VILL: variants seen among roughly 807,000 people sequenced by gnomAD.
VILL encodes villin-like protein.
A neutral mutation model predicts 106.3 loss-of-function variants in VILL; 102 were observed. That is an observed-to-expected ratio of 0.96 (90% CI 0.82 to 1.13). VILL has a LOEUF of 1.13. Among genes scored for constraint, VILL ranks in the 50% most tolerant of loss-of-function variants. The pLI is 0.00. For synonymous variants in VILL, 431 were observed against 440.3 expected (o/e 0.98, Z 0.27); for missense variants, 1,076 against 1,116.6 (o/e 0.96, Z 0.52).
chr3:37,993,705 G>A lies in VILL; in HGVS notation c.33G>A (p.Gln11=), dbSNP rs751644585. The A allele has an allele frequency of 1.2e-6, 2 of 1,614,088 alleles. No individual in the cohort carries two copies. Among genetic ancestry groups the A allele is most frequent in the East Asian group, 4.5e-5 (2 of 44,870 alleles). The change falls in exon 2 of 20, where the codon CAG becomes CAA. Residue 11 remains glutamine (Q), a synonymous_variant. Transcript: ENST00000383759. MDISKGLPGM[Q]GGLHIWISEN... ...TCAGCAAGGGCCTCCCAGGCATGCA[G>A]GGAGGCCTCCACATATGGATCTCTG...
intron 16 of VILL, 115 bp downstream of exon 16, chr3:38,004,514 C>T: frequency 7.3e-7 from 1 of 1,375,190 alleles, no homozygotes; most frequent in Non-Finnish European, 9.9e-7. Context: ...GTGGGTGAGT[C>T]TGACCCTGTC....
At chr3:38,006,041 T>G in intron 17 of VILL, 67 bp downstream of exon 17, 1 of 1,590,428 alleles carries the variant, frequency 6.3e-7, no homozygotes, top group Non-Finnish European at 8.6e-7. Flanking sequence ...CCTGGGCCAA[T>G]GGAATGAGGA....
intron 15 of VILL, 44 bp from the exon 16 acceptor site, chr3:38,004,211 T>G (rs1575340096): frequency 1.9e-6 from 3 of 1,576,146 alleles, no homozygotes; most frequent in Non-Finnish European, 1.7e-6. Context: ...TGGGCTGGGG[T>G]GCCCCTCTGG....
In VILL at chr3:37,997,348, T is replaced by C; in HGVS notation, c.562-135T>C. On this transcript the variant is annotated intron_variant, in intron 6 of 19. Coordinates refer to ENST00000383759, the MANE Select transcript of VILL (RefSeq NM_015873.4). The surrounding 1 kb of genome is among the most constrained non-coding windows in gnomAD (Gnocchi z 4.7). ...GAGTTCAGACCCTGCATTGTTGGTG[T>C]CCCCCTGGATGCCAGGATGAGGGGA... The C allele has an allele frequency of 4.3e-6, 5 of 1,163,184 alleles. No individual in the cohort carries two copies. Among genetic ancestry groups the C allele is most frequent in the Non-Finnish European group, 3.7e-6 (3 of 812,238 alleles). The allele number at this position is 1,163,184 out of a possible 1,614,324, so 72.1% of individuals were successfully genotyped here. A position where few individuals can be genotyped will look rare whatever the true frequency, so the allele number is the denominator to read the frequency against.
intron 3 of VILL, 50 bp from the exon 4 acceptor site, chr3:37,994,211 C>A (rs1365487097): frequency 5.2e-6 from 8 of 1,553,040 alleles, no homozygotes; most frequent in Non-Finnish European, 6.9e-6. Flanking sequence ...CTTCTCCACC[C>A]GCACCTCCGT....
At chr3:37,999,881 G>A (rs769094894) in intron 11 of VILL, among the ~76,000 whole-genome samples, 2 of 152,098 alleles carry the variant, frequency 1.3e-5, no homozygotes, top group Non-Finnish European at 2.9e-5. Flanking sequence ...ACAGACACAC[G>A]ATCACACATC....
rs777252168 is a variant in VILL, at chr3:38,005,964, A to G, written c.2123A>G (p.Tyr708Cys). Residue 708 changes from tyrosine (Y) to cysteine (C), a missense_variant, in exon 17 of 20, where the codon TAC (tyrosine) becomes TGC (cysteine). Tyr to Cys is a radical substitution (Grantham distance 194, BLOSUM62 -2). Transcript: ENST00000383759. ...GGATGGTTCTTCACTTGGGACCCCT[A>G]CAAGTGGACTGTGAGTGAGGCCTGA... is the stretch of plus-strand genomic sequence containing the variant. ...FIGWFFTWDP[Y>C]KWTSHPSHKE... 5.2e-5 allele frequency: 83 copies of G among 1,611,312 alleles called. 1 individual carries two copies. Among genetic ancestry groups the G allele is most frequent in the Middle Eastern group, 3.3e-4 (2 of 6,078 alleles).
At chr3:37,999,211 A>G (rs1699767826) in intron 10 of VILL, 128 bp from the exon 11 acceptor site, 2 of 1,110,914 alleles carry the variant, frequency 1.8e-6, no homozygotes, top group Admixed American at 8.4e-5. Context: ...GGATGAGGAA[A>G]GGGGCGTGGG....
At chr3:37,991,981 C>T (rs532257040) in intron 1 of VILL, among the ~76,000 whole-genome samples, 23 of 152,204 alleles carry the variant, frequency 1.5e-4, no homozygotes, top group African/African-American at 4.1e-4. Context: ...CTTGGCTCTA[C>T]GGGCTGGGGC....
At chr3:37,992,514 G>C (rs6550513) in intron 1 of VILL, among the ~76,000 whole-genome samples, 151,906 of 152,282 alleles carry the variant, frequency 1, 75,767 homozygotes, top group Middle Eastern at 1. Flanking sequence ...CATTCAACAA[G>C]TACTTACTGA....
At chr3:37,996,410 CATCT>C (rs1165588154) in intron 5 of VILL, among the ~76,000 whole-genome samples, 15 of 152,186 alleles carry the variant, frequency 9.9e-5, no homozygotes, top group African/African-American at 3.1e-4. Flanking sequence ...CCCTTTCTTC[CATCT>C]GTCAGGAAAT....
rs1699821986 is a variant in VILL at position 38,001,790 on chromosome 3, AG to A, written c.1410del (p.Glu470AspfsTer3). 1 of 1,614,034 alleles carries A rather than the reference AG, an allele frequency of 6.2e-7. No homozygotes were observed. The highest frequency in any genetic ancestry group is 1.3e-5 in the African/African-American group (1 of 74,914). ...DVMYGGVLVQ[E>X]HVTMGSEPPH... is the part of the protein sequence containing the mutation. ...ATGTATGGTGGCGTCCTAGTACAGG[AG>A]CATGTGACCATGGGCAGCGAGCCCC... On this transcript the variant is annotated frameshift_variant, in exon 13 of 20. Transcript: ENST00000383759. LOFTEE classifies it high-confidence loss of function.
chr3:37,994,618 C>T, intron 4 of VILL, 152 bp downstream of exon 4: 2 of 806,712 alleles, frequency 2.5e-6, no homozygotes, highest in South Asian at 1.8e-5. Flanking sequence ...ATACGCCATA[C>T]GATTCACCCA....
chr3:37,994,016 C>T (rs1575333492), intron 3 of VILL, 44 bp downstream of exon 3: 11 of 1,608,172 alleles, frequency 6.8e-6, no homozygotes, highest in East Asian at 2.2e-5. Flanking sequence ...TGGCATGGCC[C>T]GGCACTGGGG....
At chr3:38,004,546 G>C in intron 16 of VILL, 147 bp downstream of exon 16, 2 of 1,065,972 alleles carry the variant, frequency 1.9e-6, no homozygotes, top group Non-Finnish European at 2.7e-6. Context: ...GCATTGCGGT[G>C]CATATGAGAC....
intron 11 of VILL, among the ~76,000 whole-genome samples, chr3:38,000,204 G>C (rs1445809309): frequency 6.6e-6 from 1 of 152,236 alleles, no homozygotes; most frequent in African/African-American, 2.4e-5. Context: ...TCTCGAGGTA[G>C]GTGGAGGTCA....
upstream of VILL, among the ~76,000 whole-genome samples, chr3:37,989,467 G>A (rs565380206): frequency 3.2e-4 from 48 of 152,330 alleles, no homozygotes; most frequent in African/African-American, 1.2e-3. Context: ...GAGGCCTGAA[G>A]GAGACAGGTG....
chr3:38,004,300 C>G lies in VILL; in HGVS notation c.1851C>G (p.Cys617Trp). 1 of 1,613,986 alleles carries G rather than the reference C, an allele frequency of 6.2e-7. No homozygotes were observed. Among genetic ancestry groups the G allele is most frequent in the Non-Finnish European group, 8.5e-7 (1 of 1,179,808 alleles). The change falls in exon 16 of 20, where the codon TGC (cysteine) becomes TGG (tryptophan). Residue 617 changes from cysteine (C) to tryptophan (W), a missense_variant. Cys to Trp is a radical substitution (Grantham distance 215). Coordinates refer to ENST00000383759, the MANE Select transcript of VILL (RefSeq NM_015873.4). ...GCTTCCAGCCACGACTGTTTGAGTG[C>G]TCCAGCCACATGGGCTGCCTGGTCC... is the stretch of plus-strand genomic sequence containing the variant. ...VPSFQPRLFECSSHMGCLVLA... is the reference protein window; with the variant it reads ...VPSFQPRLFEWSSHMGCLVLA...
chr3:37,999,103 G>T (rs1699764529), intron 10 of VILL, 53 bp downstream of exon 10: 1 of 1,090,058 alleles, frequency 9.2e-7, no homozygotes. Context: ...GCGGGGGCGG[G>T]GCCTGGCAGG....
Sources: gnomAD v4.1 joint callset for allele counts (sites outside exome capture counted in the v4.1 genomes callset) on GRCh38, gnomAD v4.1.1 for gene constraint, Gnocchi (gnomAD v3.1) non-coding constraint, MANE v1.5 for transcripts, NCBI Gene and HGNC (gene_info 2026-07-23, HGNC 2026-07-21) for gene names.